C1orf94: variants seen among roughly 807,000 people sequenced by gnomAD.
C1orf94 encodes the protein uncharacterized protein C1orf94.
Under a neutral mutation model 53.6 loss-of-function variants are expected in C1orf94, and 45 were observed. The ratio of observed to expected loss-of-function variants is 0.84; its 90% confidence interval spans 0.66 to 1.08. The LOEUF (loss-of-function observed/expected upper bound fraction) is 1.08. Among genes scored for constraint, C1orf94 ranks in the 50% least tolerant of loss-of-function variants. C1orf94 has a pLI of 0.00. For synonymous variants in C1orf94, 304 were observed against 296.1 expected, an observed-to-expected ratio of 1.03 and a Z score of -0.27; for missense variants, 762 against 738.9, an observed-to-expected ratio of 1.03 and a Z score of -0.36.
intron 6 of C1orf94, among the ~76,000 whole-genome samples, chr1:34,218,309 G>T (rs1187536673): frequency 6.6e-6 from 1 of 152,158 alleles, no homozygotes; most frequent in African/African-American, 2.4e-5. Context: ...TTTCCTGAGG[G>T]ACATGTCTGG....
chr1:34,201,854 AG>A (rs111849927), intron 3 of C1orf94, among the ~76,000 whole-genome samples: 4,121 of 152,328 alleles, frequency 0.027, 182 homozygotes, highest in African/African-American at 0.093. Flanking sequence ...TGGAAAGAAA[AG>A]CTCCAAGCCA....
chr1:34,195,958 C>G (rs761191802), intron 1 of C1orf94, among the ~76,000 whole-genome samples: 7 of 152,336 alleles, frequency 4.6e-5, no homozygotes, highest in Non-Finnish European at 8.8e-5. Context: ...GCCTAAGCCA[C>G]AGCAGCTGAG....
Position 34,202,099 on chromosome 1 carries a change from C to T in C1orf94, c.1286C>T (p.Thr429Met), listed in dbSNP as rs761099051. ...TGACTTGCAGTTAACGCACCTGTGA[C>T]GGTTGCTGACAAGAACAACCCGAAG... ...GPELKFNAPV[T>M]VADKNNPKYT... Residue 429 changes from threonine to methionine, a missense_variant, in exon 4 of 7, where the codon ACG (threonine) becomes ATG (methionine). Transcript: ENST00000488417. 1.9e-5 allele frequency: 30 copies of T among 1,613,432 alleles called. No homozygotes were observed. Among genetic ancestry groups the T allele is most frequent in the East Asian group, 1.3e-4 (6 of 44,884 alleles).
chr1:34,175,001 T>C (rs950623076), upstream of C1orf94, among the ~76,000 whole-genome samples: 6 of 152,184 alleles, frequency 3.9e-5, no homozygotes, highest in Non-Finnish European at 8.8e-5. Context: ...GAGCTGAATT[T>C]TTCATTTAAT....
At chr1:34,204,005 G>A (rs1241409826) in intron 4 of C1orf94, among the ~76,000 whole-genome samples, 5 of 152,152 alleles carry the variant, frequency 3.3e-5, no homozygotes, top group Non-Finnish European at 7.3e-5. Context: ...ATTGTATGGG[G>A]AAGGGCAGGA....
intron 1 of C1orf94, among the ~76,000 whole-genome samples, chr1:34,190,818 C>A (rs1035929424): frequency 6.6e-6 from 1 of 152,228 alleles, no homozygotes; most frequent in South Asian, 2.1e-4. Flanking sequence ...CTGTACCTAT[C>A]TGTGACAGGA....
intron 1 of C1orf94, among the ~76,000 whole-genome samples, chr1:34,180,644 A>G (rs757754933): frequency 6.6e-6 from 1 of 152,238 alleles, no homozygotes; most frequent in African/African-American, 2.4e-5. Flanking sequence ...TGAATAGTCA[A>G]AATAGTTGGG....
intron 2 of C1orf94, among the ~76,000 whole-genome samples, chr1:34,200,030 G>A (rs1401701717): frequency 1.3e-5 from 2 of 152,152 alleles, no homozygotes; most frequent in African/African-American, 4.8e-5. Context: ...CTATTTCTGG[G>A]CATGTCTCTC....
At chr1:34,213,036 A>C (rs1288886244) in intron 6 of C1orf94, among the ~76,000 whole-genome samples, 1 of 152,114 alleles carries the variant, frequency 6.6e-6, no homozygotes, top group African/African-American at 2.4e-5. Flanking sequence ...TTGAGTCATA[A>C]ATTTGTGTTT....
chr1:34,203,483 G>C (rs1329765436), intron 4 of C1orf94, among the ~76,000 whole-genome samples: 1 of 152,146 alleles, frequency 6.6e-6, no homozygotes, highest in Non-Finnish European at 1.5e-5. Flanking sequence ...TTTTATATCA[G>C]GGACTTGAGC....
chr1:34,215,490 G>A (rs1460995640), intron 6 of C1orf94, among the ~76,000 whole-genome samples: 5 of 152,200 alleles, frequency 3.3e-5, no homozygotes, highest in Non-Finnish European at 7.3e-5. Context: ...TGAGGCAGGG[G>A]AGTAGGCTAG....
At chr1:34,214,471 C>T (rs1196245140) in intron 6 of C1orf94, among the ~76,000 whole-genome samples, 1 of 152,128 alleles carries the variant, frequency 6.6e-6, no homozygotes, top group African/African-American at 2.4e-5. Context: ...AGAGGTGGCT[C>T]TAGGGGCCTA....
intron 1 of C1orf94, among the ~76,000 whole-genome samples, chr1:34,191,382 G>A (rs1338864420): frequency 6.6e-6 from 1 of 152,096 alleles, no homozygotes; most frequent in Non-Finnish European, 1.5e-5. Flanking sequence ...GACATATTAG[G>A]TAGCTTCCTT....
At chr1:34,208,299 C>A in intron 5 of C1orf94, 65 bp downstream of exon 5, 4 of 1,448,022 alleles carry the variant, frequency 2.8e-6, no homozygotes, top group Non-Finnish European at 3.8e-6. Flanking sequence ...GAGGGTGCAT[C>A]TGCTCCCTCC....
chr1:34,211,460 G>A lies in C1orf94; in HGVS notation c.1525-750G>A, dbSNP rs111763392. Among the ~76,000 whole-genome samples, 813 of 152,312 alleles carry A rather than the reference G, an allele frequency of 5.3e-3. 7 individuals carry two copies. The highest frequency in any genetic ancestry group is 0.019 in the African/African-American group (787 of 41,562). ...GAGTTCATCACGGGCAATCTCGGAAGCACCACTGAATTCCTGTATTTCCCT... is the reference window on the plus strand; with the variant it reads ...GAGTTCATCACGGGCAATCTCGGAAACACCACTGAATTCCTGTATTTCCCT... On this transcript the variant is annotated intron_variant, in intron 5 of 6. Transcript: ENST00000488417.
intron 2 of C1orf94, among the ~76,000 whole-genome samples, chr1:34,198,317 G>A (rs1642638344): frequency 6.6e-6 from 1 of 152,218 alleles, no homozygotes; most frequent in Admixed American, 6.5e-5. Context: ...TTGGTAGCTG[G>A]GGTCATTTGG....
upstream of C1orf94, among the ~76,000 whole-genome samples, chr1:34,172,997 A>C (rs1396259913): frequency 6.6e-6 from 1 of 152,254 alleles, no homozygotes; most frequent in Non-Finnish European, 1.5e-5. Context: ...TTGAGTCCTA[A>C]ATATTTTATG....
intron 1 of C1orf94, among the ~76,000 whole-genome samples, chr1:34,195,393 G>A (rs1642562789): frequency 6.6e-6 from 1 of 152,182 alleles, no homozygotes. Context: ...AAGAGCAGTG[G>A]TGCCTGGATT....
chr1:34,208,125 C>A (rs866186850), intron 4 of C1orf94, 32 bp from the exon 5 acceptor site: 1 of 1,608,970 alleles, frequency 6.2e-7, no homozygotes, highest in Admixed American at 1.7e-5. Flanking sequence ...AAACCCCTTG[C>A]CTGGCCATAC....
Sources: gnomAD v4.1 joint callset for allele counts (sites outside exome capture counted in the v4.1 genomes callset) on GRCh38, gnomAD v4.1.1 for gene constraint, MANE v1.5 for transcripts, NCBI Gene and HGNC (gene_info 2026-07-23, HGNC 2026-07-21) for gene names.